Variants in FAAH2 observed in about 807,000 individuals in gnomAD.
FAAH2 encodes fatty-acid amide hydrolase 2.
A neutral mutation model predicts 36.9 loss-of-function variants in FAAH2; 60 were observed. The observed-to-expected ratio is 1.63, with a 90% CI of 1.32 to 2.02. The LOEUF (loss-of-function observed/expected upper bound fraction) is 2.02, where lower values mean the gene tolerates loss of function less well. Ranked by LOEUF, FAAH2 falls within the 30% of genes most tolerant of loss-of-function variation. The pLI, the probability that FAAH2 is intolerant of heterozygous loss-of-function variation, is 0.00. For missense variants in FAAH2, 689 were observed against 397.5 expected (o/e 1.73, Z -6.23); for synonymous variants, 214 against 143.8 (o/e 1.49, Z -3.49).
At chrX:57,330,795 G>A (rs770487730) in intron 3 of FAAH2, among the ~76,000 whole-genome samples, 18 of 111,043 alleles carry the variant, frequency 1.6e-4, no homozygotes, top group Admixed American at 2.9e-4. Flanking sequence ...TGTGACTATC[G>A]GGGCAGGTTC....
At chrX:57,404,550 G>A (rs1409887121) in intron 7 of FAAH2, among the ~76,000 whole-genome samples, 1 of 111,711 alleles carries the variant, frequency 9.0e-6, no homozygotes, top group East Asian at 2.8e-4. Flanking sequence ...AACTGCTCAT[G>A]TCAAGAGTTG....
At chrX:57,184,931 GT>G in the FAAH2 span, among the ~76,000 whole-genome samples, 2 of 111,285 alleles carry the variant, frequency 1.8e-5, no homozygotes, top group Non-Finnish European at 3.8e-5. Context: ...ACATGCTTTA[GT>G]TTTTTTATTA....
the FAAH2 span, among the ~76,000 whole-genome samples, chrX:57,138,915 T>C: frequency 3.6e-5 from 4 of 112,253 alleles, no homozygotes; most frequent in Non-Finnish European, 7.5e-5. Context: ...GATTATTTGA[T>C]TTTTTACTAT....
intron 7 of FAAH2, among the ~76,000 whole-genome samples, chrX:57,411,324 G>A (rs940387188): frequency 8.9e-6 from 1 of 111,744 alleles, no homozygotes; most frequent in Non-Finnish European, 1.9e-5. Context: ...GATTCAAGCT[G>A]ACTGTTAAGA....
At chrX:57,192,299 A>T in the FAAH2 span, among the ~76,000 whole-genome samples, 4 of 111,911 alleles carry the variant, frequency 3.6e-5, no homozygotes, top group Non-Finnish European at 7.5e-5. Context: ...TTTATGATGT[A>T]GATTTTGTAT....
At chrX:57,456,108 C>T (rs1225729948) in intron 10 of FAAH2, among the ~76,000 whole-genome samples, 1 of 112,015 alleles carries the variant, frequency 8.9e-6, no homozygotes, top group African/African-American at 3.2e-5. Flanking sequence ...AGCAAACTCT[C>T]AGACCATAGT....
intron 8 of FAAH2, among the ~76,000 whole-genome samples, chrX:57,435,600 A>C (rs1426055124): frequency 9.0e-6 from 1 of 110,557 alleles, no homozygotes; most frequent in Non-Finnish European, 1.9e-5. Flanking sequence ...AAGACAAATA[A>C]GGTCATTGTA....
chrX:57,249,934 C>T, the FAAH2 span, among the ~76,000 whole-genome samples: 2 of 111,544 alleles, frequency 1.8e-5, no homozygotes, highest in African/African-American at 3.3e-5. Context: ...TAAATATAAC[C>T]TTGACTGCAT....
At chrX:57,198,612 AG>A in the FAAH2 span, among the ~76,000 whole-genome samples, 1 of 112,449 alleles carries the variant, frequency 8.9e-6, no homozygotes, top group African/African-American at 3.2e-5. Flanking sequence ...GATTTTACCC[AG>A]GATATTTAAT....
the FAAH2 span, among the ~76,000 whole-genome samples, chrX:57,275,893 C>G: frequency 8.9e-6 from 1 of 111,872 alleles, no homozygotes; most frequent in Non-Finnish European, 1.9e-5. Flanking sequence ...TATCTATGCA[C>G]CCAATACAGG....
At chrX:57,447,871 G>A (rs1321600708) in intron 9 of FAAH2, among the ~76,000 whole-genome samples, 2 of 112,267 alleles carry the variant, frequency 1.8e-5, no homozygotes, top group East Asian at 5.6e-4. Flanking sequence ...CCATTGTCTT[G>A]GAGATTAACA....
At chrX:57,428,569 G>T (rs1283298983) in intron 7 of FAAH2, among the ~76,000 whole-genome samples, 8 of 111,784 alleles carry the variant, frequency 7.2e-5, no homozygotes, top group Non-Finnish European at 1.3e-4. Flanking sequence ...ATAGAAGAGA[G>T]AACCCAGAAA....
At chrX:57,333,909 A>G (rs996489932) in intron 4 of FAAH2, among the ~76,000 whole-genome samples, 11 of 111,896 alleles carry the variant, frequency 9.8e-5, no homozygotes, top group Admixed American at 1.9e-4. Context: ...TTAAGGAGAA[A>G]GAAGAAAATA....
chrX:57,231,341 G>A, the FAAH2 span, among the ~76,000 whole-genome samples: 332 of 109,371 alleles, frequency 3.0e-3, no homozygotes, highest in Middle Eastern at 9.7e-3. Context: ...TTCCTCTCAC[G>A]CATTACTTTA....
intron 5 of FAAH2, among the ~76,000 whole-genome samples, chrX:57,375,581 C>T (rs2054653714): frequency 9.1e-6 from 1 of 110,367 alleles, no homozygotes; most frequent in African/African-American, 3.3e-5. Flanking sequence ...TCTCCTGTTT[C>T]ATTTCTAATT....
the FAAH2 span, among the ~76,000 whole-genome samples, chrX:57,174,062 GGGTAATAAT>G: frequency 9.0e-6 from 1 of 110,825 alleles, no homozygotes; most frequent in African/African-American, 3.3e-5. Flanking sequence ...TTTGGTATCA[GGGTAATAAT>G]GGCTTTGTAA....
the FAAH2 span, among the ~76,000 whole-genome samples, chrX:57,219,863 C>CTTTTTTTTTTT: frequency 2.2e-3 from 77 of 35,634 alleles, 8 homozygotes; most frequent in African/African-American, 8.4e-3. Context: ...AGCGCCTTGT[C>CTTTTTTTTTTT]TTTTTTTTTT....
the FAAH2 span, among the ~76,000 whole-genome samples, chrX:57,253,763 A>G: frequency 9.0e-6 from 1 of 111,682 alleles, no homozygotes; most frequent in East Asian, 2.8e-4. Context: ...GAGCTCCTGA[A>G]GGAAATACTA....
intron 7 of FAAH2, among the ~76,000 whole-genome samples, chrX:57,423,732 C>T (rs1314932878): frequency 1.8e-5 from 2 of 111,309 alleles, no homozygotes; most frequent in Non-Finnish European, 3.8e-5. Flanking sequence ...ATTGGGGAGC[C>T]TAAGCATGGA....
Sources: gnomAD v4.1 joint callset for allele counts (sites outside exome capture counted in the v4.1 genomes callset) on GRCh38, gnomAD v4.1.1 for gene constraint, MANE v1.5 for transcripts, NCBI Gene and HGNC (gene_info 2026-07-23, HGNC 2026-07-21) for gene names.